MYRIP: variants seen among roughly 807,000 people sequenced by gnomAD.
MYRIP encodes rab effector MyRIP.
MYRIP carries 49 observed loss-of-function variants against 98.0 expected under a neutral mutation model. The ratio of observed to expected loss-of-function variants is 0.50; its 90% confidence interval spans 0.40 to 0.63. The LOEUF (loss-of-function observed/expected upper bound fraction) is 0.63, where lower values mean the gene tolerates loss of function less well. Ranked by LOEUF, MYRIP falls within the 30% of genes least tolerant of loss-of-function variation. The probability of loss-of-function intolerance (pLI) is 0.00; values close to 1 mark genes in which losing one functional copy is unlikely to be tolerated. For missense variants in MYRIP, 1,004 were observed against 1,058.2 expected (o/e 0.95, Z 0.71); for synonymous variants, 404 against 409.5 (o/e 0.99, Z 0.16).
rs544819081 is a variant in MYRIP at position 39,996,730 on chromosome 3, A to G, written c.111-47320A>G. ...TCCACCTCAAATCAATAGAATATAC[A>G]TTCTTTACAGCACCACACCACACCT... On this transcript the variant is annotated intron_variant, in intron 2 of 16. Coordinates refer to ENST00000302541, the MANE Select transcript of MYRIP (RefSeq NM_015460.4). Among the ~76,000 whole-genome samples, 451 of 152,334 alleles carry G rather than the reference A, an allele frequency of 3.0e-3. 6 individuals are homozygous for G. Among genetic ancestry groups the G allele is most frequent in the East Asian group, 7.3e-3 (38 of 5,182 alleles).
chr3:39,871,824 A>G (rs1575325642), intron 1 of MYRIP, among the ~76,000 whole-genome samples: 1 of 152,058 alleles, frequency 6.6e-6, no homozygotes, highest in East Asian at 1.9e-4. Context: ...ATTTTTAAAA[A>G]CAATTTCAAG....
intron 2 of MYRIP, among the ~76,000 whole-genome samples, chr3:39,920,364 G>A (rs930404968): frequency 1.3e-5 from 2 of 152,126 alleles, no homozygotes; most frequent in African/African-American, 2.4e-5. Flanking sequence ...AGAAAGAAAT[G>A]CTAGTGTTTG....
chr3:40,084,767 A>T (rs974378252), intron 3 of MYRIP, among the ~76,000 whole-genome samples: 1 of 51,570 alleles, frequency 1.9e-5, no homozygotes, highest in African/African-American at 5.3e-5. Context: ...ACATGTCGAT[A>T]GATAATATAT....
intron 2 of MYRIP, among the ~76,000 whole-genome samples, chr3:39,944,502 G>A (rs1354255948): frequency 6.6e-6 from 1 of 151,712 alleles, no homozygotes; most frequent in African/African-American, 2.4e-5. Flanking sequence ...GGAGAGAGGG[G>A]AGGAGAAAGA....
At chr3:39,828,019 G>A (rs749294743) in intron 1 of MYRIP, among the ~76,000 whole-genome samples, 26 of 151,556 alleles carry the variant, frequency 1.7e-4, no homozygotes, top group Admixed American at 3.3e-4. Flanking sequence ...TTTAGAATTC[G>A]TTGTCTTAGA....
At chr3:40,216,967 TG>T (rs1952139883) in intron 11 of MYRIP, among the ~76,000 whole-genome samples, 1 of 152,206 alleles carries the variant, frequency 6.6e-6, no homozygotes, top group Non-Finnish European at 1.5e-5. Flanking sequence ...ATAACATGTG[TG>T]GCTTTAAGAT....
At chr3:40,135,607 G>GA (rs1195863071) in intron 3 of MYRIP, among the ~76,000 whole-genome samples, 1 of 152,110 alleles carries the variant, frequency 6.6e-6, no homozygotes, top group Non-Finnish European at 1.5e-5. Context: ...TGAAATGAAG[G>GA]AAAAAATGTT....
chr3:39,954,213 C>T lies in MYRIP; in HGVS notation c.110+53287C>T, dbSNP rs541771966. On this transcript the variant is annotated intron_variant, in intron 2 of 16. Transcript: ENST00000302541. ...TCTGAGAACGGATAGACTGCCTCCT[C>T]AAGTGGGTCCCTGACACCCAAGTAG... 2.0e-5 allele frequency among the ~76,000 whole-genome samples: 3 copies of T among 152,168 alleles called. No individual in the cohort carries two copies. The South Asian group carries it at 6.2e-4, about 32-fold the overall frequency.
chr3:40,210,936 T>TG (rs1427018438), intron 11 of MYRIP, among the ~76,000 whole-genome samples: 1 of 152,216 alleles, frequency 6.6e-6, no homozygotes, highest in African/African-American at 2.4e-5. Context: ...AGAATATCCC[T>TG]GCCAGCCTCC....
chr3:40,179,407 T>C (rs1358905014), intron 8 of MYRIP, among the ~76,000 whole-genome samples: 2 of 152,182 alleles, frequency 1.3e-5, no homozygotes, highest in African/African-American at 4.8e-5. Flanking sequence ...ACTTTTCATT[T>C]GTTAGTCTTG....
At chr3:39,878,672 T>C (rs1178568104) in intron 1 of MYRIP, among the ~76,000 whole-genome samples, 2 of 152,180 alleles carry the variant, frequency 1.3e-5, no homozygotes, top group African/African-American at 4.8e-5. Flanking sequence ...TCTAGCTCCT[T>C]ATGTCTATGA....
At chr3:39,849,052 T>C (rs910484042) in intron 1 of MYRIP, among the ~76,000 whole-genome samples, 8 of 152,234 alleles carry the variant, frequency 5.3e-5, no homozygotes, top group African/African-American at 1.9e-4. Context: ...GAATTTTTTA[T>C]TCTATGGAAC....
intron 2 of MYRIP, among the ~76,000 whole-genome samples, chr3:40,028,087 A>G (rs1429542086): frequency 2.6e-5 from 4 of 152,160 alleles, no homozygotes; most frequent in Admixed American, 2.0e-4. Flanking sequence ...TGCTACGCCC[A>G]TGGCAGACAC....
intron 2 of MYRIP, among the ~76,000 whole-genome samples, chr3:39,989,804 A>ATT (rs1946127364): frequency 6.6e-6 from 1 of 152,204 alleles, no homozygotes; most frequent in African/African-American, 2.4e-5. Context: ...TGCCACAGCC[A>ATT]TTGTGTTGGA....
intron 3 of MYRIP, among the ~76,000 whole-genome samples, chr3:40,117,384 T>TC (rs1182344850): frequency 6.6e-6 from 1 of 152,120 alleles, no homozygotes. Context: ...TGTCACAACC[T>TC]CCCCCCTTTT....
intron 11 of MYRIP, among the ~76,000 whole-genome samples, chr3:40,221,042 CAAAAAAAA>C (rs150976340): frequency 0.017 from 1,020 of 61,724 alleles, 14 homozygotes; most frequent in African/African-American, 0.037. Context: ...GGCAAGTCAC[CAAAAAAAA>C]AAAAAAAAAA....
chr3:39,923,651 A>C (rs1944352657), intron 2 of MYRIP, among the ~76,000 whole-genome samples: 1 of 152,146 alleles, frequency 6.6e-6, no homozygotes, highest in Non-Finnish European at 1.5e-5. Context: ...TTTGCTAAGG[A>C]AGTGATAACA....
At chr3:39,911,664 C>T (rs1477101748) in intron 2 of MYRIP, among the ~76,000 whole-genome samples, 1 of 152,242 alleles carries the variant, frequency 6.6e-6, no homozygotes, top group Admixed American at 6.5e-5. Context: ...TTCTCACTTA[C>T]AGTAATTCAG....
intron 3 of MYRIP, among the ~76,000 whole-genome samples, chr3:40,136,940 T>C (rs1282772768): frequency 2.0e-5 from 3 of 152,166 alleles, no homozygotes; most frequent in Non-Finnish European, 2.9e-5. Context: ...AGGAAAGATC[T>C]AAAATGGACA....
Sources: gnomAD v4.1 joint callset for allele counts (sites outside exome capture counted in the v4.1 genomes callset) on GRCh38, gnomAD v4.1.1 for gene constraint, MANE v1.5 for transcripts, NCBI Gene and HGNC (gene_info 2026-07-23, HGNC 2026-07-21) for gene names.